SPAG8: variants seen among roughly 807,000 people sequenced by gnomAD.
SPAG8 encodes sperm-associated antigen 8.
Under a neutral mutation model 45.3 loss-of-function variants are expected in SPAG8, and 36 were observed. The observed-to-expected ratio is 0.80, with a 90% CI of 0.61 to 1.05. The LOEUF is 1.05. Ranked by LOEUF, SPAG8 falls within the 50% of genes least tolerant of loss-of-function variation. The probability of loss-of-function intolerance (pLI) is 0.00; values close to 1 mark genes in which losing one functional copy is unlikely to be tolerated. For synonymous variants in SPAG8, 227 were observed against 232.6 expected (o/e 0.98, Z 0.22); for missense variants, 573 against 609.2 (o/e 0.94, Z 0.63).
rs781660800 is a variant in SPAG8 at position 35,811,290 on chromosome 9, T to G, written c.756A>C (p.Glu252Asp). 26 of 1,614,028 alleles carry G rather than the reference T, an allele frequency of 1.6e-5. No homozygotes were observed. In the African/African-American group the frequency reaches 3.5e-4, roughly 22 times the overall value. Residue 252 changes from glutamate (E) to aspartate (D), a missense_variant, in exon 2 of 7, where the codon GAA becomes GAC. Coordinates refer to ENST00000396638, the MANE Select transcript of SPAG8 (RefSeq NM_001039592.2). The part of the protein sequence containing the change: ...QPPWEFLQVL[E>D]PGARGLWKPP... ...GTTTCCATAGTCCTCGGGCACCCGG[T>G]TCTAAGACTTGCAAAAATTCCCAAG...
chr9:35,810,661 T>G lies in SPAG8; in HGVS notation c.1061A>C (p.Glu354Ala), dbSNP rs753503777. 66 of 1,613,892 alleles carry G rather than the reference T, an allele frequency of 4.1e-5. No homozygotes were observed. Among genetic ancestry groups the G allele is most frequent in the Non-Finnish European group, 5.1e-5 (60 of 1,179,992 alleles). The change falls in exon 4 of 7, where the codon GAG becomes GCG. Residue 354 changes from glutamate to alanine, a missense_variant. Transcript: ENST00000396638. Reference sequence around the variant, plus strand: ...CCAGATCTGATGCTGCAGGAGCATCTCCAGCATGGCTTCACGCTTCCCTGT... The same window carrying G: ...CCAGATCTGATGCTGCAGGAGCATCGCCAGCATGGCTTCACGCTTCCCTGT... ...PLRGKREAMLEMLLQHQICKE... is the reference protein window; with the variant it reads ...PLRGKREAMLAMLLQHQICKE...
downstream of SPAG8, chr9:35,808,765 T>C (rs1293510826): frequency 2.5e-6 from 4 of 1,613,610 alleles, no homozygotes; most frequent in Non-Finnish European, 3.4e-6. The surrounding 1 kb of genome is among the most constrained non-coding windows in gnomAD (Gnocchi z 4.0). Context: ...GGCCAGTCTG[T>C]GCTGGGGTTG....
At chr9:35,808,741 G>A, downstream of SPAG8, 1 of 1,613,108 alleles carries the variant, frequency 6.2e-7, no homozygotes, top group Admixed American at 1.7e-5. This position sits in a 1 kb window ranked among gnomAD's most constrained non-coding sequence, Gnocchi z 4.0. Context: ...CTCCCAACCT[G>A]TTTCTTCTCA....
At chr9:35,809,612 T>A, downstream of SPAG8, 1 of 1,180,322 alleles carries the variant, frequency 8.5e-7, no homozygotes, top group Non-Finnish European at 1.3e-6. This position sits in a 1 kb window ranked among gnomAD's most constrained non-coding sequence, Gnocchi z 4.1. Context: ...CTCAGCCCTG[T>A]ACATATACCT....
downstream of SPAG8, chr9:35,808,725 C>A: frequency 1.2e-6 from 2 of 1,612,194 alleles, no homozygotes; most frequent in Non-Finnish European, 1.7e-6. This position sits in a 1 kb window ranked among gnomAD's most constrained non-coding sequence, Gnocchi z 4.0. Context: ...CCACCTTTCC[C>A]AGACTCTCCC....
In SPAG8 at chr9:35,812,150, T is replaced by C. The variant is rs1377818059; in HGVS notation, c.-3A>G. On this transcript the variant is annotated 5_prime_UTR_variant, in exon 1 of 7. Transcript: ENST00000396638. ...TCCGTAGACTCGTTGGTCTCCATCT[T>C]CAGACTCCAGCTACTGGGTTGCCAT... The C allele has an allele frequency of 6.2e-7, 1 of 1,605,318 alleles. No individual in the cohort carries two copies. Among genetic ancestry groups the C allele is most frequent in the Non-Finnish European group, 8.5e-7 (1 of 1,179,952 alleles).
chr9:35,807,935 G>C, downstream of SPAG8: 1 of 526,146 alleles, frequency 1.9e-6, no homozygotes, highest in Non-Finnish European at 3.4e-6. Flanking sequence ...TAATAGATTC[G>C]TTGTATGGAA....
chr9:35,811,190 C>T lies in SPAG8; in HGVS notation c.856G>A (p.Glu286Lys), dbSNP rs769354128. 6.4e-7 allele frequency: 1 copy of T among 1,565,260 alleles called. No homozygotes were observed. The highest frequency in any genetic ancestry group is 2.2e-5 in the East Asian group (1 of 44,450). The change falls in exon 2 of 7, where the codon GAG (glutamate) becomes AAG (lysine). Residue 286 changes from glutamate to lysine, a missense_variant. Transcript: ENST00000396638. ...PRGQCLLYNW[E>K]EERATNHLDQ... ...GGCCAAAACTTTAATACCTCTTCCTCCCAGTTGTAGAGGAGGCACTGGCCC... is the reference window on the plus strand; with the variant it reads ...GGCCAAAACTTTAATACCTCTTCCTTCCAGTTGTAGAGGAGGCACTGGCCC...
chr9:35,812,105 G>C lies in SPAG8; in HGVS notation c.43C>G (p.Arg15Gly), dbSNP rs1488217074. Residue 15 changes from arginine to glycine, a missense_variant and splice_region_variant, in exon 1 of 7, where the codon CGA becomes GGA. Transcript: ENST00000396638. ...ESTEGSRSRSRSLDIQPSSEG... is the reference protein window; with the variant it reads ...ESTEGSRSRSGSLDIQPSSEG... ...TGCAGCCAGAGCTGCGGCTCTCACCGCGACCGCGACCGCGATCCCTCCGTA... is the reference window on the plus strand; with the variant it reads ...TGCAGCCAGAGCTGCGGCTCTCACCCCGACCGCGACCGCGATCCCTCCGTA... 1 of 1,594,298 alleles carries C rather than the reference G, an allele frequency of 6.3e-7. No homozygotes were observed. Among genetic ancestry groups the C allele is most frequent in the Admixed American group, 1.7e-5 (1 of 59,488 alleles).
At chr9:35,809,141 T>C (rs1378592936), downstream of SPAG8, 6 of 1,609,424 alleles carry the variant, frequency 3.7e-6, no homozygotes, top group Non-Finnish European at 5.1e-6. The surrounding 1 kb of genome is among the most constrained non-coding windows in gnomAD (Gnocchi z 4.1). Context: ...ATCCTCCCCA[T>C]TCCACCCACC....
downstream of SPAG8, chr9:35,809,671 G>T (rs764758483): frequency 2.7e-6 from 3 of 1,128,222 alleles, no homozygotes; most frequent in Non-Finnish European, 2.7e-6. The surrounding 1 kb of genome is among the most constrained non-coding windows in gnomAD (Gnocchi z 4.1). Context: ...GTAAATATCT[G>T]TATCTAAACC....
chr9:35,811,467 A>G lies in SPAG8; in HGVS notation c.579T>C (p.Pro193=). The part of the protein sequence containing the change: ...SGPGHGSGSH[P]GPASGPGPDT... ...CTGGACCAGGCCCAGAGGCAGGACC[A>G]GGATGAGAGCCAGAGCCATGACCAG... The change falls in exon 2 of 7, where the codon CCT becomes CCC. Residue 193 remains proline (P), a synonymous_variant. Transcript: ENST00000396638. 6.2e-7 allele frequency: 1 copy of G among 1,613,650 alleles called. No homozygotes were observed. Among genetic ancestry groups the G allele is most frequent in the Non-Finnish European group, 8.5e-7 (1 of 1,179,668 alleles).
downstream of SPAG8, chr9:35,808,232 GC>G (rs762470477): frequency 1.9e-6 from 3 of 1,614,100 alleles, no homozygotes; most frequent in South Asian, 3.3e-5. The surrounding 1 kb of genome is among the most constrained non-coding windows in gnomAD (Gnocchi z 4.0). Context: ...TGATGGCAGA[GC>G]CTATTTGTCC....
downstream of SPAG8, chr9:35,809,259 C>A: frequency 1.9e-6 from 3 of 1,612,908 alleles, no homozygotes; most frequent in Non-Finnish European, 2.5e-6. This position sits in a 1 kb window ranked among gnomAD's most constrained non-coding sequence, Gnocchi z 4.1. Flanking sequence ...TGATGGCAGG[C>A]CATGGGGAGG....
Position 35,811,482 on chromosome 9 carries a change from GCCATGA to G in SPAG8, c.558_563del (p.His187_Gly188del). On this transcript the variant is annotated inframe_deletion, in exon 2 of 7. Coordinates refer to ENST00000396638, the MANE Select transcript of SPAG8 (RefSeq NM_001039592.2). Reference sequence around the variant, plus strand: ...AGGCAGGACCAGGATGAGAGCCAGAGCCATGACCAGGACCAGAGCCAGGACCAGAGC... The same window carrying G: ...AGGCAGGACCAGGATGAGAGCCAGAGCCAGGACCAGAGCCAGGACCAGAGC... 3 of 1,609,870 alleles carry G rather than the reference GCCATGA, an allele frequency of 1.9e-6. No individual in the cohort carries two copies. The highest frequency in any genetic ancestry group is 2.5e-6 in the Non-Finnish European group (3 of 1,177,818).
chr9:35,810,012 A>G lies in SPAG8; in HGVS notation c.1384T>C (p.Leu462=), dbSNP rs1828690592. 3.1e-6 allele frequency: 5 copies of G among 1,612,938 alleles called. No homozygotes were observed. The highest frequency in any genetic ancestry group is 4.5e-5 in the East Asian group (2 of 44,874). The change falls in exon 7 of 7, where the codon TTG becomes CTG. Residue 462 remains leucine, a synonymous_variant. Coordinates refer to ENST00000396638, the MANE Select transcript of SPAG8 (RefSeq NM_001039592.2). The stretch of plus-strand genomic sequence containing the variant: ...CAGGGAAGGGAAGATATTTCTCCCA[A>G]TTGGTAGGGGTAATTCTCAGGTTCA... ...PYEPENYPYQ[L]GEISSLPCPG...
rs1177381326 is a variant in SPAG8, at chr9:35,810,522, T to A, written c.1117A>T (p.Arg373Trp). ...ACAGACTCAACCTCGAAGAGCTTCC[T>A]TGTGGGTTCCTGTTCTGCCTGCACC... Reference protein sequence around the residue: ...KEVQAEQEPTRKLFEVESVTH... With the variant: ...KEVQAEQEPTWKLFEVESVTH... The change falls in exon 5 of 7, where the codon AGG becomes TGG. Residue 373 changes from arginine to tryptophan, a missense_variant. Physicochemically the swap from Arg to Trp is moderately radical, Grantham distance 101 (BLOSUM62 -3). Coordinates refer to ENST00000396638, the MANE Select transcript of SPAG8 (RefSeq NM_001039592.2). 1.9e-6 allele frequency: 3 copies of A among 1,614,078 alleles called. No individual in the cohort carries two copies. The highest frequency in any genetic ancestry group is 2.7e-5 in the African/African-American group (2 of 74,916).
At position 35,810,116 on chromosome 9, in the gene SPAG8, C is replaced by T; in HGVS notation, c.1280G>A (p.Arg427Lys). The part of the protein sequence containing the change: ...APQLPGVSNI[R>K]TLDTPFRKNC... ...CTTCCGGAATGGTGTGTCCAATGTC[C>T]TGATGTTACTGACACCCTGGAGGAG... The change falls in exon 7 of 7, where the codon AGG becomes AAG. Residue 427 changes from arginine to lysine, a missense_variant. Coordinates refer to ENST00000396638, the MANE Select transcript of SPAG8 (RefSeq NM_001039592.2). 1 of 1,611,156 alleles carries T rather than the reference C, an allele frequency of 6.2e-7. No individual in the cohort carries two copies. The highest frequency in any genetic ancestry group is 2.2e-5 in the East Asian group (1 of 44,844).
Position 35,810,963 on chromosome 9 carries a change from T to A in SPAG8, c.959A>T (p.Gln320Leu), listed in dbSNP as rs758211842. Residue 320 changes from glutamine to leucine, a missense_variant, in exon 3 of 7, where the codon CAA (glutamine) becomes CTA (leucine). Physicochemically the swap from Gln to Leu is moderately radical, Grantham distance 113. Transcript: ENST00000396638. ...GCTGGAGGGCATGGGTGACTTTAGT[T>A]GCATAGTCAGCAGTCCCCGGTGTCC... is the stretch of plus-strand genomic sequence containing the variant. Reference protein sequence around the residue: ...RHGHRGLLTMQLKSPMPSSTT... With the variant: ...RHGHRGLLTMLLKSPMPSSTT... 1.2e-5 allele frequency: 19 copies of A among 1,613,976 alleles called. No homozygotes were observed. Among genetic ancestry groups the A allele is most frequent in the Non-Finnish European group, 1.6e-5 (19 of 1,180,026 alleles).
Sources: gnomAD v4.1 joint callset for allele counts on GRCh38, gnomAD v4.1.1 for gene constraint, Gnocchi (gnomAD v3.1) non-coding constraint, MANE v1.5 for transcripts, NCBI Gene and HGNC (gene_info 2026-07-23, HGNC 2026-07-21) for gene names.